DDX47: variants seen among roughly 807,000 people sequenced by gnomAD.
DDX47 encodes probable ATP-dependent RNA helicase DDX47.
In DDX47, 60 loss-of-function variants were observed where a neutral mutation model predicts 58.8. That is an observed-to-expected ratio of 1.02 (90% CI 0.83 to 1.26). The LOEUF (loss-of-function observed/expected upper bound fraction) is 1.26. Among genes scored for constraint, DDX47 ranks in the 50% most tolerant of loss-of-function variants. The probability of loss-of-function intolerance (pLI) is 0.00; values close to 1 mark genes in which losing one functional copy is unlikely to be tolerated. For missense variants in DDX47, 530 were observed against 573.2 expected (o/e 0.92, Z 0.77); for synonymous variants, 197 against 204.6 (o/e 0.96, Z 0.32).
At chr12:12,819,641 G>T (rs1286485687) in intron 2 of DDX47, among the ~76,000 whole-genome samples, 1 of 152,012 alleles carries the variant, frequency 6.6e-6, no homozygotes, top group Non-Finnish European at 1.5e-5. Context: ...ATGTCCAACT[G>T]GTTTTTAGAC....
intron 9 of DDX47, 132 bp from the exon 10 acceptor site, chr12:12,825,868 G>A: frequency 1.6e-6 from 1 of 641,234 alleles, no homozygotes; most frequent in East Asian, 3.1e-5. Flanking sequence ...AATTGCCCCG[G>A]CCATTTATTT....
rs1862981857 is a variant in DDX47 at position 12,822,021 on chromosome 12, G to T, written c.499G>T (p.Ala167Ser). The T allele has an allele frequency of 1.2e-6, 2 of 1,613,860 alleles. No homozygotes were observed. Among genetic ancestry groups the T allele is most frequent in the Non-Finnish European group, 1.7e-6 (2 of 1,179,974 alleles). ...AAATACGAAAGGTTTCAACTTGAGA[G>T]CTCTCAAATACTTGGTCATGGATGA... is the stretch of plus-strand genomic sequence containing the variant. ...LENTKGFNLR[A>S]LKYLVMDEAD... The change falls in exon 5 of 12, where the codon GCT (alanine) becomes TCT (serine). Residue 167 changes from alanine to serine, a missense_variant. Coordinates refer to ENST00000358007, the MANE Select transcript of DDX47 (RefSeq NM_016355.4).
chr12:12,826,147 A>G lies in DDX47; in HGVS notation c.1106+77A>G. The G allele has an allele frequency of 2.7e-6, 3 of 1,113,920 alleles. 1 individual carries two copies. The South Asian group carries it at 4.2e-5, about 15-fold the overall frequency. 69.0% of individuals were successfully genotyped at this position (1,113,920 alleles called of 1,614,324 possible). On this transcript the variant is annotated intron_variant, in intron 10 of 11. Transcript: ENST00000358007. Reference sequence around the variant, plus strand: ...TCAAGCCACTGGCTGAGAACCTGACACTACCATTTACTACACTAATCACTT... The same window carrying G: ...TCAAGCCACTGGCTGAGAACCTGACGCTACCATTTACTACACTAATCACTT...
chr12:12,823,307 C>G lies in DDX47; in HGVS notation c.738C>G (p.Pro246=). 6.4e-7 allele frequency: 1 copy of G among 1,561,800 alleles called. No homozygotes were observed. Among genetic ancestry groups the G allele is most frequent in the Non-Finnish European group, 8.8e-7 (1 of 1,132,484 alleles). ...EKLQQYYIFI[P]SKFKDTYLVY... is the part of the protein sequence containing the mutation. ...TACAGCAATATTATATTTTTATTCC[C>G]TCTAAATTCAAGGTAAAATGTTTAC... The change falls in exon 7 of 12, where the codon CCC becomes CCG. Residue 246 remains proline (P), a synonymous_variant. Coordinates refer to ENST00000358007, the MANE Select transcript of DDX47 (RefSeq NM_016355.4).
At chr12:12,825,652 G>A (rs191770424) in intron 9 of DDX47, among the ~76,000 whole-genome samples, 1 of 152,166 alleles carries the variant, frequency 6.6e-6, no homozygotes, top group Admixed American at 6.5e-5. Flanking sequence ...GTGATTTGCA[G>A]GTAATTGTGT....
In DDX47 at chr12:12,829,404, C is replaced by A; in HGVS notation, c.1237-19C>A. 1.3e-6 allele frequency: 2 copies of A among 1,597,444 alleles called. No homozygotes were observed. The highest frequency in any genetic ancestry group is 8.5e-7 in the Non-Finnish European group (1 of 1,173,986). On this transcript the variant is annotated intron_variant, in intron 11 of 11. Transcript: ENST00000358007. ...CCAGTAATTCATTTTCAATCCCATCCTCTCTTTTTTTCTTGCAGGAGTTAA... is the reference window on the plus strand; with the variant it reads ...CCAGTAATTCATTTTCAATCCCATCATCTCTTTTTTTCTTGCAGGAGTTAA...
chr12:12,820,145 C>T lies in DDX47; in HGVS notation c.182-1063C>T, dbSNP rs75008413. 982 of 152,320 alleles carry T rather than the reference C, an allele frequency of 6.4e-3. 6 individuals are homozygous for T. The highest frequency in any genetic ancestry group is 9.9e-3 in the Non-Finnish European group (672 of 68,028). The allele number at this position is 152,320 out of a possible 1,614,324, so 9.4% of individuals were successfully genotyped here. On this transcript the variant is annotated intron_variant, in intron 2 of 11. Coordinates refer to ENST00000358007, the MANE Select transcript of DDX47 (RefSeq NM_016355.4). ...GCTACCTCATGGGCTACAGCCAGCT[C>T]GGAGATAGTGATCTCAACTCAGGAG... is the stretch of plus-strand genomic sequence containing the variant.
In DDX47 at chr12:12,824,026, C is replaced by T. The variant is rs1457285882; in HGVS notation, c.897+10C>T. On this transcript the variant is annotated intron_variant, in intron 8 of 11. Coordinates refer to ENST00000358007, the MANE Select transcript of DDX47 (RefSeq NM_016355.4). ...TGGACAAATGAGTCAGGTAAGGATT[C>T]ATCATCATCATCAGCCATGCACTGG... 1.2e-6 allele frequency: 2 copies of T among 1,603,348 alleles called. No individual in the cohort carries two copies. The highest frequency in any genetic ancestry group is 1.7e-6 in the Non-Finnish European group (2 of 1,175,050).
At chr12:12,824,351 T>C in intron 8 of DDX47, 189 bp from the exon 9 acceptor site, 1 of 601,700 alleles carries the variant, frequency 1.7e-6, no homozygotes, top group South Asian at 2.5e-5. Context: ...CCTTATTTTG[T>C]ATCATATATA....
At position 12,829,443 on chromosome 12, in the gene DDX47, AAAG is replaced by A. The variant is rs770918573; in HGVS notation, c.1263_1265del (p.Lys422del). 20 of 1,612,780 alleles carry A rather than the reference AAAG, an allele frequency of 1.2e-5. No homozygotes were observed. In the South Asian group the frequency reaches 2.0e-4, roughly 16 times the overall value. On this transcript the variant is annotated inframe_deletion, in exon 12 of 12. Transcript: ENST00000358007. ...TGCAGGAGTTAAGGGAGCATGGAGA[AAAG>A]AAGAAACGCTCGCGAGAGGATGCTG...
chr12:12,821,944 C>T (rs374718117), intron 4 of DDX47, 21 bp from the exon 5 acceptor site: 10 of 1,496,970 alleles, frequency 6.7e-6, no homozygotes, highest in Non-Finnish European at 8.4e-6. Flanking sequence ...GTCACTGTTT[C>T]TCCTCAACCT....
Position 12,821,190 on chromosome 12 carries a change from A to G in DDX47, c.182-18A>G. 2 of 1,613,334 alleles carry G rather than the reference A, an allele frequency of 1.2e-6. No individual in the cohort carries two copies. The highest frequency in any genetic ancestry group is 1.7e-5 in the Admixed American group (1 of 59,846). ...GCGCAAAGAGATTACTTGGCTGTTGAATTTCTTTTTCTTTTAGGTCGTGAT... is the reference window on the plus strand; with the variant it reads ...GCGCAAAGAGATTACTTGGCTGTTGGATTTCTTTTTCTTTTAGGTCGTGAT... On this transcript the variant is annotated intron_variant, in intron 2 of 11. Transcript: ENST00000358007.
At chr12:12,824,432 A>G (rs1377528754) in intron 8 of DDX47, 108 bp from the exon 9 acceptor site, 7 of 1,322,326 alleles carry the variant, frequency 5.3e-6, no homozygotes, top group Non-Finnish European at 5.1e-6. Context: ...CTTAGGGGGA[A>G]AAACCTTTAA....
Position 12,821,359 on chromosome 12 carries a change from GT to G in DDX47, c.336del (p.Phe112LeufsTer14), listed in dbSNP as rs987915913. 6.2e-7 allele frequency: 1 copy of G among 1,614,104 alleles called. No individual in the cohort carries two copies. Among genetic ancestry groups the G allele is most frequent in the African/African-American group, 1.3e-5 (1 of 74,934 alleles). On this transcript the variant is annotated frameshift_variant, in exon 3 of 12. Transcript: ENST00000358007. LOFTEE classifies it high-confidence loss of function. ...RELAFQISEQFEALGSSIGVQ... is the reference protein window; with the variant it reads ...RELAFQISEQXEALGSSIGVQ... ...AGCTGGCCTTTCAGATCTCAGAGCA[GT>G]TTGAAGCCCTGGGGTCCTCTATTGG...
At position 12,814,206 on chromosome 12, in the gene DDX47, A is replaced by G. The variant is rs1416933043; in HGVS notation, c.163A>G (p.Ile55Val). ...TKPTKIQIEA[I>V]PLALQGRDII... ...ACCCACCAAGATCCAGATTGAAGCT[A>G]TTCCTTTGGCCTTACAAGGTAGGTT... Residue 55 changes from isoleucine (I) to valine (V), a missense_variant, in exon 2 of 12, where the codon ATT becomes GTT. Physicochemically the swap from Ile to Val is conservative, Grantham distance 29. Transcript: ENST00000358007. The G allele has an allele frequency of 3.7e-6, 6 of 1,611,312 alleles. No homozygotes were observed. Among genetic ancestry groups the G allele is most frequent in the African/African-American group, 2.7e-5 (2 of 75,000 alleles).
chr12:12,827,465 A>G (rs984335012), intron 11 of DDX47, 90 bp downstream of exon 11: 1 of 1,407,536 alleles, frequency 7.1e-7, no homozygotes, highest in African/African-American at 1.4e-5. Context: ...TAAACTGCAG[A>G]AGCTGGGTAT....
At chr12:12,819,671 A>ATAGGAATC (rs1177665159) in intron 2 of DDX47, among the ~76,000 whole-genome samples, 7 of 152,212 alleles carry the variant, frequency 4.6e-5, no homozygotes, top group African/African-American at 1.7e-4. Flanking sequence ...TGAGTTTACT[A>ATAGGAATC]TAGGAATCTT....
chr12:12,813,719 T>C (rs545075050), intron 1 of DDX47, among the ~76,000 whole-genome samples: 2 of 152,178 alleles, frequency 1.3e-5, no homozygotes, highest in Admixed American at 6.5e-5. Flanking sequence ...GTTGTACATA[T>C]GGGGAATGGA....
intron 5 of DDX47, 36 bp from the exon 6 acceptor site, chr12:12,822,625 A>G: frequency 1.3e-6 from 2 of 1,568,856 alleles, no homozygotes. Flanking sequence ...TCCAGTCTGA[A>G]TATCATATTG....
Sources: gnomAD v4.1 joint callset for allele counts (sites outside exome capture counted in the v4.1 genomes callset) on GRCh38, gnomAD v4.1.1 for gene constraint, MANE v1.5 for transcripts, NCBI Gene and HGNC (gene_info 2026-07-23, HGNC 2026-07-21) for gene names.